SESTD1: variants seen among roughly 807,000 people sequenced by gnomAD.
SESTD1 encodes the protein SEC14 domain and spectrin repeat-containing protein 1.
In SESTD1, 43 loss-of-function variants were observed where a neutral mutation model predicts 101.7. That is an observed-to-expected ratio of 0.42 (90% CI 0.33 to 0.55). SESTD1 has a LOEUF of 0.55. Among genes scored for constraint, SESTD1 ranks in the 20% least tolerant of loss-of-function variants. The pLI is 0.07. For synonymous variants in SESTD1, 283 were observed against 286.8 expected, an observed-to-expected ratio of 0.99 and a Z score of 0.13; for missense variants, 647 against 815.1, an observed-to-expected ratio of 0.79 and a Z score of 2.51.
chr2:179,190,602 T>G (rs2046305564), intron 2 of SESTD1, among the ~76,000 whole-genome samples: 1 of 151,918 alleles, frequency 6.6e-6, no homozygotes, highest in African/African-American at 2.4e-5. Flanking sequence ...ACAGACAACC[T>G]ACAAAATGGG....
chr2:179,126,351 C>T (rs937735544), intron 10 of SESTD1, among the ~76,000 whole-genome samples: 2 of 152,190 alleles, frequency 1.3e-5, no homozygotes, highest in Admixed American at 1.3e-4. Context: ...GCATTTGGCA[C>T]AAGTAAGCAC....
chr2:179,185,332 T>C (rs1057476478), intron 2 of SESTD1, among the ~76,000 whole-genome samples: 3 of 147,664 alleles, frequency 2.0e-5, no homozygotes, highest in Admixed American at 1.4e-4. Context: ...ATATAGCATA[T>C]ATTAATATTA....
Position 179,207,501 on chromosome 2 carries a change from T to C in SESTD1, c.-25-15635A>G, listed in dbSNP as rs114434484. Among the ~76,000 whole-genome samples, 786 of 134,796 alleles carry C rather than the reference T, an allele frequency of 5.8e-3. 197 individuals carry two copies. Among genetic ancestry groups the C allele is most frequent in the African/African-American group, 0.022 (749 of 34,188 alleles). 88.4% of individuals were successfully genotyped at this position (134,796 alleles called of 152,430 possible). ...CCACCTTATTTACTCCCCTGCCACC[T>C]CCACCTGAGCAGGTGCTGATAACCA... On this transcript the variant is annotated intron_variant, in intron 1 of 17. Transcript: ENST00000428443.
intron 6 of SESTD1, among the ~76,000 whole-genome samples, chr2:179,149,970 G>C (rs556885402): frequency 6.6e-6 from 1 of 152,334 alleles, no homozygotes; most frequent in African/African-American, 2.4e-5. Context: ...GCTCATGCCT[G>C]TAATCCCAGC....
intron 9 of SESTD1, among the ~76,000 whole-genome samples, chr2:179,134,846 T>C (rs1201113847): frequency 2.6e-5 from 4 of 152,200 alleles, no homozygotes; most frequent in Non-Finnish European, 4.4e-5. Flanking sequence ...ATAAAATTGC[T>C]CTCTAAAACT....
At chr2:179,130,052 A>G (rs937324056) in intron 10 of SESTD1, among the ~76,000 whole-genome samples, 1 of 152,200 alleles carries the variant, frequency 6.6e-6, no homozygotes, top group Non-Finnish European at 1.5e-5. Flanking sequence ...ATCTCTTGAT[A>G]GCCATCAATG....
intron 1 of SESTD1, among the ~76,000 whole-genome samples, chr2:179,257,700 A>G (rs1484506432): frequency 3.3e-5 from 5 of 152,230 alleles, no homozygotes; most frequent in African/African-American, 1.2e-4. Flanking sequence ...GCCAAGAAAA[A>G]GGCTAAAAAT....
intron 3 of SESTD1, among the ~76,000 whole-genome samples, chr2:179,177,193 T>C (rs1476024547): frequency 6.6e-6 from 1 of 152,172 alleles, no homozygotes; most frequent in Non-Finnish European, 1.5e-5. Flanking sequence ...GATTTAACTA[T>C]TAACTAAACA....
At chr2:179,182,809 T>C (rs2046138650) in intron 3 of SESTD1, among the ~76,000 whole-genome samples, 2 of 152,160 alleles carry the variant, frequency 1.3e-5, no homozygotes, top group African/African-American at 2.4e-5. Flanking sequence ...TTTCCTAAAG[T>C]TACATGATAT....
chr2:179,239,133 G>A (rs528696196), intron 1 of SESTD1, among the ~76,000 whole-genome samples: 30 of 152,218 alleles, frequency 2.0e-4, no homozygotes, highest in Middle Eastern at 3.4e-3. Context: ...GTGAGATTAA[G>A]ACTATTAATT....
At chr2:179,172,291 A>C in intron 4 of SESTD1, 58 bp from the exon 5 acceptor site, 1 of 1,138,322 alleles carries the variant, frequency 8.8e-7, no homozygotes, top group Non-Finnish European at 1.3e-6. Flanking sequence ...AATTTACTAA[A>C]TTTATAAATT....
chr2:179,138,870 C>CAAA (rs61703699), intron 9 of SESTD1, among the ~76,000 whole-genome samples: 6 of 65,548 alleles, frequency 9.2e-5, no homozygotes, highest in African/African-American at 1.7e-4. Flanking sequence ...AACCCTGTCT[C>CAAA]AAAAAAAAAA....
In SESTD1 at chr2:179,102,543, T is replaced by C. The variant is rs1248074074; in HGVS notation, c.*7356A>G. On this transcript the variant is annotated 3_prime_UTR_variant, in exon 18 of 18. Transcript: ENST00000428443. ...TATAGTTGTTAACATTTTTATTGCATATTTACAATGTGTGGAACATTATAA... is the reference window on the plus strand; with the variant it reads ...TATAGTTGTTAACATTTTTATTGCACATTTACAATGTGTGGAACATTATAA... The C allele has an allele frequency of 6.6e-6, 1 of 152,138 alleles. No homozygotes were observed. The highest frequency in any genetic ancestry group is 1.5e-5 in the Non-Finnish European group (1 of 68,030). The allele number at this position is 152,138 out of a possible 1,614,324, so 9.4% of individuals were successfully genotyped here.
chr2:179,197,097 T>A (rs571528748), intron 1 of SESTD1, among the ~76,000 whole-genome samples: 2 of 151,722 alleles, frequency 1.3e-5, no homozygotes, highest in South Asian at 2.1e-4. Flanking sequence ...GAATAACCAA[T>A]ACAGAGAAGT....
At chr2:179,198,325 A>G (rs1276066332) in intron 1 of SESTD1, among the ~76,000 whole-genome samples, 1 of 152,182 alleles carries the variant, frequency 6.6e-6, no homozygotes, top group African/African-American at 2.4e-5. Flanking sequence ...GTGACCTACA[A>G]AGAGACTTAG....
In SESTD1 at chr2:179,200,860, G is replaced by A. The variant is rs557795310; in HGVS notation, c.-25-8994C>T. Among the ~76,000 whole-genome samples, 441 of 134,092 alleles carry A rather than the reference G, an allele frequency of 3.3e-3. 109 individuals carry two copies. Among genetic ancestry groups the A allele is most frequent in the African/African-American group, 0.012 (419 of 33,762 alleles). The allele number at this position is 134,092 out of a possible 152,430, so 88.0% of individuals were successfully genotyped here. On this transcript the variant is annotated intron_variant, in intron 1 of 17. Coordinates refer to ENST00000428443, the MANE Select transcript of SESTD1 (RefSeq NM_178123.5). ...GCATTACCATTCAGGACATAGGCAT[G>A]GGCAAGGACTTCATGTCTAAAACAC...
chr2:179,110,573 C>T (rs577152417), intron 17 of SESTD1, among the ~76,000 whole-genome samples: 1 of 152,150 alleles, frequency 6.6e-6, no homozygotes, highest in South Asian at 2.1e-4. Context: ...CTTTATTTTT[C>T]AGATCAGAAA....
chr2:179,233,489 T>G (rs1338848315), intron 1 of SESTD1, among the ~76,000 whole-genome samples: 1 of 152,140 alleles, frequency 6.6e-6, no homozygotes, highest in Non-Finnish European at 1.5e-5. Flanking sequence ...AGTCTCGCTC[T>G]GTCACCCAGG....
intron 9 of SESTD1, among the ~76,000 whole-genome samples, chr2:179,133,144 C>T (rs2045049722): frequency 6.6e-6 from 1 of 152,054 alleles, no homozygotes; most frequent in Non-Finnish European, 1.5e-5. Context: ...AGGATGACAG[C>T]ATCAGGAGTT....
Sources: allele counts gnomAD v4.1 joint callset (sites outside exome capture counted in the v4.1 genomes callset), GRCh38; gene constraint gnomAD v4.1.1; transcripts MANE v1.5; gene names NCBI Gene and HGNC (gene_info 2026-07-23, HGNC 2026-07-21).